Variants in RORA observed in about 807,000 individuals in gnomAD.
RORA encodes the protein RAR related orphan receptor A, also known as nuclear receptor ROR-alpha.
Under a neutral mutation model 69.5 loss-of-function variants are expected in RORA, and 7 were observed. That is an observed-to-expected ratio of 0.10 (90% CI 0.06 to 0.19). The LOEUF is 0.19. RORA is among the 10% of genes least tolerant of loss of function. The pLI is 1.00. For missense variants in RORA, 457 were observed against 663.0 expected (o/e 0.69, Z 3.41); for synonymous variants, 261 against 240.8 (o/e 1.08, Z -0.78).
At chr15:61,173,968 T>G (rs1272743884) in intron 1 of RORA, among the ~76,000 whole-genome samples, 2 of 152,334 alleles carry the variant, frequency 1.3e-5, no homozygotes, top group South Asian at 4.1e-4. Flanking sequence ...GTGAGGGGCC[T>G]GGGAATCTGT....
At chr15:60,757,789 C>A (rs774436822) in intron 1 of RORA, among the ~76,000 whole-genome samples, 1 of 152,156 alleles carries the variant, frequency 6.6e-6, no homozygotes, top group African/African-American at 2.4e-5. Flanking sequence ...TTCCCTCTCT[C>A]CCGACCCCCA....
chr15:60,967,252 G>C (rs1281128600), intron 1 of RORA, among the ~76,000 whole-genome samples: 3 of 152,084 alleles, frequency 2.0e-5, no homozygotes, highest in Admixed American at 6.5e-5. Flanking sequence ...TTTATGCATT[G>C]ACAGATGTAC....
chr15:61,134,938 C>T (rs1487567522), intron 1 of RORA, among the ~76,000 whole-genome samples: 3 of 151,944 alleles, frequency 2.0e-5, no homozygotes, highest in African/African-American at 7.3e-5. Flanking sequence ...CCAAAAAATA[C>T]CCTTCCAGGC....
chr15:60,498,611 C>A (rs182515168), intron 10 of RORA, among the ~76,000 whole-genome samples: 4 of 152,162 alleles, frequency 2.6e-5, no homozygotes, highest in Non-Finnish European at 1.5e-5. Flanking sequence ...TTATTTTAAC[C>A]CAGAATAACC....
chr15:60,609,349 A>G (rs2069028933), intron 2 of RORA, among the ~76,000 whole-genome samples: 3 of 152,216 alleles, frequency 2.0e-5, no homozygotes, highest in Admixed American at 1.3e-4. Context: ...TAGGCAAAAT[A>G]ACATGGAACA....
At chr15:60,632,515 T>G (rs899282981) in intron 2 of RORA, among the ~76,000 whole-genome samples, 6 of 152,140 alleles carry the variant, frequency 3.9e-5, no homozygotes, top group African/African-American at 1.2e-4. Flanking sequence ...AATGAATAAT[T>G]TTTTAGTATA....
chr15:60,860,008 A>G (rs753212136), intron 1 of RORA, among the ~76,000 whole-genome samples: 5 of 152,132 alleles, frequency 3.3e-5, no homozygotes, highest in Non-Finnish European at 7.4e-5. Flanking sequence ...CACAACCTGG[A>G]CCGGGAACAG....
chr15:60,998,635 G>A (rs992863014), intron 1 of RORA, among the ~76,000 whole-genome samples: 11 of 152,160 alleles, frequency 7.2e-5, no homozygotes, highest in Non-Finnish European at 8.8e-5. Context: ...CTGACCTCAG[G>A]TGATCTGCCG....
At chr15:60,923,386 A>AC (rs1017161640) in intron 1 of RORA, among the ~76,000 whole-genome samples, 1 of 152,188 alleles carries the variant, frequency 6.6e-6, no homozygotes, top group African/African-American at 2.4e-5. Context: ...CCAGCACAGC[A>AC]CCTGGCACAT....
intron 3 of RORA, among the ~76,000 whole-genome samples, chr15:60,523,065 A>C (rs2066230649): frequency 7.7e-6 from 1 of 130,690 alleles, no homozygotes; most frequent in African/African-American, 2.5e-5. Flanking sequence ...AAAAAAACTG[A>C]TGAAAATTAT....
intron 1 of RORA, among the ~76,000 whole-genome samples, chr15:61,034,232 C>T (rs1420263317): frequency 1.3e-5 from 2 of 151,994 alleles, no homozygotes; most frequent in Non-Finnish European, 2.9e-5. Flanking sequence ...CCTTGATGGA[C>T]TGAAACTAAG....
chr15:61,045,609 G>T (rs570076732), intron 1 of RORA, among the ~76,000 whole-genome samples: 9 of 152,162 alleles, frequency 5.9e-5, no homozygotes, highest in Admixed American at 5.9e-4. Context: ...CATCCAAGGG[G>T]TGTACCAGGT....
chr15:60,913,701 G>A (rs1335213403), intron 1 of RORA, among the ~76,000 whole-genome samples: 1 of 152,194 alleles, frequency 6.6e-6, no homozygotes, highest in Non-Finnish European at 1.5e-5. Flanking sequence ...GAATGGCTAT[G>A]GGCAAATATT....
intron 2 of RORA, among the ~76,000 whole-genome samples, chr15:60,616,886 A>C (rs947348647): frequency 2.6e-5 from 4 of 152,190 alleles, no homozygotes; most frequent in Non-Finnish European, 4.4e-5. Context: ...CCTCACGTCT[A>C]CCTCTATAAG....
chr15:60,727,345 T>C (rs2140833060), intron 1 of RORA, among the ~76,000 whole-genome samples: 1 of 152,260 alleles, frequency 6.6e-6, no homozygotes. Flanking sequence ...CCAACATACC[T>C]TCCTTAGTGA....
At chr15:60,507,156 A>T (rs1052287615) in intron 5 of RORA, among the ~76,000 whole-genome samples, 1 of 152,072 alleles carries the variant, frequency 6.6e-6, no homozygotes, top group African/African-American at 2.4e-5. Context: ...TCTGGAAGGG[A>T]AGGATGATTA....
chr15:60,550,950 C>T (rs2067211749), intron 2 of RORA, among the ~76,000 whole-genome samples: 1 of 152,118 alleles, frequency 6.6e-6, no homozygotes, highest in Non-Finnish European at 1.5e-5. Context: ...TCTGGAAGAG[C>T]CACTGTGTGG....
At chr15:60,759,882 C>A (rs1006287112) in intron 1 of RORA, among the ~76,000 whole-genome samples, 1 of 152,134 alleles carries the variant, frequency 6.6e-6, no homozygotes, top group African/African-American at 2.4e-5. Context: ...ATCCTATTTT[C>A]CCCCATTGAG....
chr15:60,823,547 A>T (rs1336694030), intron 1 of RORA, among the ~76,000 whole-genome samples: 1 of 152,254 alleles, frequency 6.6e-6, no homozygotes, highest in Non-Finnish European at 1.5e-5. Flanking sequence ...CTCAATACAC[A>T]TAATCAACAA....
Sources: allele counts gnomAD v4.1 joint callset (sites outside exome capture counted in the v4.1 genomes callset), GRCh38; gene constraint gnomAD v4.1.1; transcripts MANE v1.5; gene names NCBI Gene and HGNC (gene_info 2026-07-23, HGNC 2026-07-21).